The following MME variants were observed in gnomAD, a reference collection of about 807,000 sequenced individuals.
MME encodes the protein membrane metalloendopeptidase.
In MME, 98 loss-of-function variants were observed where a neutral mutation model predicts 113.2. The ratio of observed to expected loss-of-function variants is 0.87; its 90% CI spans 0.74 to 1.02. The LOEUF is 1.02. MME is among the 50% of genes least tolerant of loss of function. MME has a pLI of 0.00. For missense variants in MME, 836 were observed against 896.0 expected (o/e 0.93, Z 0.86); for synonymous variants, 292 against 300.6 (o/e 0.97, Z 0.30).
At position 155,144,427 on chromosome 3, in the gene MME, T is replaced by C; in HGVS notation, c.1386T>C (p.Asp462=). The C allele has an allele frequency of 6.2e-7, 1 of 1,612,774 alleles. No individual in the cohort carries two copies. Among genetic ancestry groups the C allele is most frequent in the Non-Finnish European group, 8.5e-7 (1 of 1,179,160 alleles). The change falls in exon 14 of 23, where the codon GAT becomes GAC. Residue 462 remains aspartate (D), a synonymous_variant. Transcript: ENST00000360490. ...IQTLDDLTWM[D]AETKKRAEEK... is the part of the protein sequence containing the mutation. Reference sequence around the variant, plus strand: ...CTTTAGATGACCTCACTTGGATGGATGCCGAGACAAAAAAGAGAGCTGAAG... The same window carrying C: ...CTTTAGATGACCTCACTTGGATGGACGCCGAGACAAAAAAGAGAGCTGAAG...
intron 3 of MME, among the ~76,000 whole-genome samples, chr3:155,088,455 G>A (rs183255771): frequency 2.1e-4 from 32 of 152,174 alleles, no homozygotes; most frequent in African/African-American, 6.5e-4. Flanking sequence ...AGGCTGAGGC[G>A]GGCAGATCAC....
upstream of MME, among the ~76,000 whole-genome samples, chr3:155,074,791 G>T (rs1714690304): frequency 6.6e-6 from 1 of 152,072 alleles, no homozygotes; most frequent in African/African-American, 2.4e-5. Flanking sequence ...AGATATATAT[G>T]TGGTTTTATA....
intron 10 of MME, 64 bp from the exon 11 acceptor site, chr3:155,141,927 T>G: frequency 6.3e-7 from 1 of 1,579,624 alleles, no homozygotes; most frequent in Non-Finnish European, 8.7e-7. Flanking sequence ...TAACTATAAC[T>G]GAATCTTGGA....
At chr3:155,113,674 G>A (rs1379525199) in intron 3 of MME, among the ~76,000 whole-genome samples, 1 of 152,116 alleles carries the variant, frequency 6.6e-6, no homozygotes, top group Non-Finnish European at 1.5e-5. Flanking sequence ...TCAAGATGAA[G>A]AACTGGGTGA....
intron 1 of MME, among the ~76,000 whole-genome samples, chr3:155,041,389 T>C (rs1713313171): frequency 1.3e-5 from 2 of 152,198 alleles, no homozygotes; most frequent in Admixed American, 6.5e-5. Context: ...ACTTAAAAAT[T>C]TGTTAAAAGG....
At chr3:155,096,501 G>C (rs1716754532) in intron 3 of MME, among the ~76,000 whole-genome samples, 1 of 152,184 alleles carries the variant, frequency 6.6e-6, no homozygotes, top group Non-Finnish European at 1.5e-5. Flanking sequence ...TTTGTAGTCT[G>C]TGTTAAAGTG....
chr3:155,108,318 G>A (rs1317081701), intron 3 of MME, among the ~76,000 whole-genome samples: 5 of 152,248 alleles, frequency 3.3e-5, no homozygotes, highest in Admixed American at 2.6e-4. Context: ...AAACTGGGCC[G>A]GGTGTGGTGG....
intron 16 of MME, among the ~76,000 whole-genome samples, chr3:155,155,494 C>T (rs552058018): frequency 4.6e-5 from 7 of 152,250 alleles, no homozygotes; most frequent in African/African-American, 1.7e-4. Context: ...ACTCTGGGAG[C>T]TTGGAGGACC....
At chr3:155,082,755 T>G (rs993778960) in intron 1 of MME, among the ~76,000 whole-genome samples, 13 of 152,206 alleles carry the variant, frequency 8.5e-5, no homozygotes, top group Non-Finnish European at 5.9e-5. Flanking sequence ...GGTCTAGCTG[T>G]GGTTCGCTTA....
intron 1 of MME, among the ~76,000 whole-genome samples, chr3:155,049,627 ATATCTATC>A (rs56832533): frequency 0.2 from 29,296 of 147,006 alleles, 3,292 homozygotes; most frequent in Middle Eastern, 0.3. Context: ...TCATCTTAGT[ATATCTATC>A]TATCTATCTA....
intron 16 of MME, among the ~76,000 whole-genome samples, chr3:155,149,219 TTTA>T (rs968009434): frequency 1.1e-4 from 17 of 152,182 alleles, no homozygotes; most frequent in African/African-American, 4.1e-4. Flanking sequence ...TAGTTTAGAT[TTTA>T]TTTTTTCTAT....
upstream of MME, among the ~76,000 whole-genome samples, chr3:155,077,210 T>C (rs1430307284): frequency 6.6e-6 from 1 of 152,220 alleles, no homozygotes; most frequent in Non-Finnish European, 1.5e-5. Flanking sequence ...ATGGTGCATA[T>C]AAAAATGCAC....
At chr3:155,109,626 C>T (rs1322894427) in intron 3 of MME, among the ~76,000 whole-genome samples, 2 of 152,082 alleles carry the variant, frequency 1.3e-5, no homozygotes, top group African/African-American at 2.4e-5. Flanking sequence ...CTATGTTTCT[C>T]GATTGTCTAA....
rs1713267031 is a variant in MME at position 155,183,198 on chromosome 3, G to C, written c.*2739G>C. Reference sequence around the variant, plus strand: ...GTAGGTGCAAGCTGTCCAGAGAAAAGAGTCCTTGTTCCAGCCCTATTCTGC... The same window carrying C: ...GTAGGTGCAAGCTGTCCAGAGAAAACAGTCCTTGTTCCAGCCCTATTCTGC... On this transcript the variant is annotated 3_prime_UTR_variant, in exon 23 of 23. Transcript: ENST00000360490. The C allele has an allele frequency of 1.3e-5, 2 of 152,256 alleles. No homozygotes were observed. The highest frequency in any genetic ancestry group is 2.1e-4 in the South Asian group (1 of 4,826). 9.4% of individuals were successfully genotyped at this position (152,256 alleles called of 1,614,324 possible). A position where few individuals can be genotyped will look rare whatever the true frequency, so the allele number is the denominator to read the frequency against.
At chr3:155,066,369 C>T (rs571913104) in intron 1 of MME, among the ~76,000 whole-genome samples, 1 of 152,066 alleles carries the variant, frequency 6.6e-6, no homozygotes, top group Non-Finnish European at 1.5e-5. Context: ...ATATGAGTTG[C>T]TCTAGTTGAT....
chr3:155,038,807 C>T (rs917893032), intron 1 of MME, among the ~76,000 whole-genome samples: 8 of 152,130 alleles, frequency 5.3e-5, no homozygotes, highest in African/African-American at 9.7e-5. Context: ...CAACTTTCCC[C>T]TTTTCACTTA....
intron 1 of MME, among the ~76,000 whole-genome samples, chr3:155,061,278 C>T (rs564019352): frequency 2.0e-5 from 3 of 151,898 alleles, no homozygotes; most frequent in South Asian, 2.1e-4. Context: ...TGGTGAAACC[C>T]GTCTCTACTA....
At chr3:155,057,644 G>T (rs1713980765) in intron 1 of MME, among the ~76,000 whole-genome samples, 1 of 151,624 alleles carries the variant, frequency 6.6e-6, no homozygotes, top group Admixed American at 6.6e-5. Flanking sequence ...TACTCTCAGA[G>T]TGTTTGGTGT....
intron 1 of MME, among the ~76,000 whole-genome samples, chr3:155,060,829 CAGAGAGAGAG>C (rs138935329): frequency 2.9e-5 from 4 of 137,674 alleles, no homozygotes; most frequent in African/African-American, 5.4e-5. Flanking sequence ...TGCAGAGAGG[CAGAGAGAGAG>C]AGAGAGAGAG....
Sources: allele counts gnomAD v4.1 joint callset (sites outside exome capture counted in the v4.1 genomes callset), GRCh38; gene constraint gnomAD v4.1.1; transcripts MANE v1.5; gene names NCBI Gene and HGNC (gene_info 2026-07-23, HGNC 2026-07-21).